The following ORC4 variants were observed in gnomAD, a reference collection of about 807,000 sequenced individuals.
ORC4 encodes the protein origin recognition complex subunit 4, also known as origin recognition complex, subunit 4 homolog.
A neutral mutation model predicts 63.9 loss-of-function variants in ORC4; 55 were observed. That is an observed-to-expected ratio of 0.86 (90% confidence interval 0.69 to 1.08). ORC4 has a LOEUF of 1.08. Ranked by LOEUF, ORC4 falls within the 50% of genes least tolerant of loss-of-function variation. The pLI is 0.00. For synonymous variants in ORC4, 150 were observed against 168.5 expected (o/e 0.89, Z 0.85); for missense variants, 511 against 504.4 (o/e 1.01, Z -0.13).
chr2:147,966,212 A>G (rs1689883436), intron 4 of ORC4, among the ~76,000 whole-genome samples: 1 of 152,126 alleles, frequency 6.6e-6, no homozygotes. Flanking sequence ...AACACACAGC[A>G]AAAGCAGAAT....
At chr2:148,015,966 T>C (rs186061544) in intron 1 of ORC4, among the ~76,000 whole-genome samples, 44 of 152,268 alleles carry the variant, frequency 2.9e-4, no homozygotes, top group Non-Finnish European at 3.1e-4. Context: ...AGAGCAATCA[T>C]TGAAGCAGAT....
chr2:147,945,704 A>T (rs1044139427), intron 9 of ORC4, among the ~76,000 whole-genome samples: 1 of 152,112 alleles, frequency 6.6e-6, no homozygotes, highest in Admixed American at 6.6e-5. Context: ...TATCCTGAAG[A>T]TATTTCTTGG....
chr2:147,984,388 A>G (rs770640268), intron 1 of ORC4, among the ~76,000 whole-genome samples: 3 of 151,830 alleles, frequency 2.0e-5, no homozygotes, highest in Non-Finnish European at 2.9e-5. Flanking sequence ...ACTTTATTAT[A>G]ATAATACAAT....
At chr2:148,019,993 G>C (rs1049762138) in intron 1 of ORC4, among the ~76,000 whole-genome samples, 2 of 152,148 alleles carry the variant, frequency 1.3e-5, no homozygotes, top group Admixed American at 6.5e-5. Flanking sequence ...GGGAAACTTT[G>C]ATCACGTCCC....
chr2:147,966,992 T>C (rs58230627), intron 4 of ORC4, among the ~76,000 whole-genome samples: 4 of 152,250 alleles, frequency 2.6e-5, no homozygotes, highest in Non-Finnish European at 4.4e-5. Flanking sequence ...TCATTCACCA[T>C]GATCAAGTGG....
At chr2:147,952,798 G>GGGTGGATCACCTGAGGTC (rs1365681435) in intron 7 of ORC4, among the ~76,000 whole-genome samples, 1 of 149,630 alleles carries the variant, frequency 6.7e-6, no homozygotes, top group African/African-American at 2.5e-5. Flanking sequence ...AGGCTGAGGT[G>GGGTGGATCACCTGAGGTC]GGTGGATCAC....
intron 1 of ORC4, among the ~76,000 whole-genome samples, chr2:148,018,229 T>A (rs1467413186): frequency 6.6e-6 from 1 of 152,198 alleles, no homozygotes; most frequent in African/African-American, 2.4e-5. Flanking sequence ...CTCAAACTCT[T>A]TAGTGTCCTG....
chr2:147,974,411 A>T (rs550818499), intron 2 of ORC4, among the ~76,000 whole-genome samples: 2 of 152,252 alleles, frequency 1.3e-5, no homozygotes, highest in East Asian at 3.9e-4. Flanking sequence ...AGATGGGCAG[A>T]TCGCTTGAGG....
intron 8 of ORC4, among the ~76,000 whole-genome samples, chr2:147,949,182 T>C (rs1688817833): frequency 6.6e-6 from 1 of 151,734 alleles, no homozygotes; most frequent in South Asian, 2.1e-4. Context: ...TTTAATAGCT[T>C]AAGAAATATA....
At chr2:147,984,239 C>A (rs913126538) in intron 1 of ORC4, among the ~76,000 whole-genome samples, 2 of 152,142 alleles carry the variant, frequency 1.3e-5, no homozygotes, top group East Asian at 3.8e-4. Context: ...AGATCAACCC[C>A]TCCTCTTCCT....
chr2:147,970,533 C>A (rs1341936056), intron 4 of ORC4, among the ~76,000 whole-genome samples: 1 of 149,210 alleles, frequency 6.7e-6, no homozygotes, highest in African/African-American at 2.5e-5. Context: ...ACCACATAAA[C>A]ATAGTCAACT....
Position 147,933,784 on chromosome 2 carries a change from G to A in ORC4, c.*1726C>T, listed in dbSNP as rs941383578. On this transcript the variant is annotated 3_prime_UTR_variant, in exon 14 of 14. Coordinates refer to ENST00000392857, the MANE Select transcript of ORC4 (RefSeq NM_181741.4). Reference sequence around the variant, plus strand: ...TGATGTTACCATGTCAAGTATTTTGGTGAAATATCCCCTAAAAATGTGTAG... The same window carrying A: ...TGATGTTACCATGTCAAGTATTTTGATGAAATATCCCCTAAAAATGTGTAG... 2.0e-5 allele frequency: 3 copies of A among 152,078 alleles called. No individual in the cohort carries two copies. Among genetic ancestry groups the A allele is most frequent in the African/African-American group, 7.2e-5 (3 of 41,414 alleles). The allele number at this position is 152,078 out of a possible 1,614,324, so 9.4% of individuals were successfully genotyped here.
At chr2:147,946,583 T>TCA (rs1196728793) in intron 9 of ORC4, among the ~76,000 whole-genome samples, 1 of 151,998 alleles carries the variant, frequency 6.6e-6, no homozygotes, top group African/African-American at 2.4e-5. Flanking sequence ...AGACACTTGG[T>TCA]CAGGTAATTG....
At chr2:147,999,887 G>A (rs1692193905) in intron 1 of ORC4, among the ~76,000 whole-genome samples, 1 of 151,716 alleles carries the variant, frequency 6.6e-6, no homozygotes, top group African/African-American at 2.4e-5. Context: ...GAGAAAGCAG[G>A]AAGCAATAAA....
chr2:147,974,960 C>T (rs764427290), intron 2 of ORC4, among the ~76,000 whole-genome samples: 5 of 152,002 alleles, frequency 3.3e-5, no homozygotes, highest in Non-Finnish European at 5.9e-5. Flanking sequence ...TAGGTATACA[C>T]ATGTATTGAT....
chr2:147,995,552 C>T (rs1426910253), intron 1 of ORC4, among the ~76,000 whole-genome samples: 4 of 152,124 alleles, frequency 2.6e-5, no homozygotes, highest in Non-Finnish European at 5.9e-5. Flanking sequence ...TCTTTGGGTC[C>T]GCACTGCCTT....
chr2:147,990,837 A>G (rs1691537590), intron 1 of ORC4, among the ~76,000 whole-genome samples: 1 of 152,158 alleles, frequency 6.6e-6, no homozygotes, highest in South Asian at 2.1e-4. Flanking sequence ...TAAAATGAAG[A>G]AAAATATTTT....
At chr2:147,986,119 C>T (rs1317400511) in intron 1 of ORC4, among the ~76,000 whole-genome samples, 2 of 152,106 alleles carry the variant, frequency 1.3e-5, no homozygotes, top group Non-Finnish European at 2.9e-5. Flanking sequence ...TTTTTAAGAT[C>T]ATAAACTTTC....
intron 7 of ORC4, 143 bp from the exon 8 acceptor site, chr2:147,952,667 G>T: frequency 1.5e-6 from 1 of 671,626 alleles, no homozygotes; most frequent in Non-Finnish European, 2.6e-6. Flanking sequence ...ATTTACTGAT[G>T]CATATACGTT....
Sources: allele counts gnomAD v4.1 joint callset (sites outside exome capture counted in the v4.1 genomes callset), GRCh38; gene constraint gnomAD v4.1.1; transcripts MANE v1.5; gene names NCBI Gene and HGNC (gene_info 2026-07-23, HGNC 2026-07-21).